Variants in HMGN1 observed in about 807,000 individuals in gnomAD.
HMGN1 encodes the protein high mobility group nucleosome binding domain 1, also known as non-histone chromosomal protein HMG-14.
Under a neutral mutation model 18.4 loss-of-function variants are expected in HMGN1, and 9 were observed. That is an observed-to-expected ratio of 0.49 (90% CI 0.29 to 0.85). The LOEUF is 0.85. Ranked by LOEUF, HMGN1 falls within the 40% of genes least tolerant of loss-of-function variation. The probability of loss-of-function intolerance (pLI) is 0.07; values close to 1 mark genes in which losing one functional copy is unlikely to be tolerated. For synonymous variants in HMGN1, 59 were observed against 45.0 expected, an observed-to-expected ratio of 1.31 and a Z score of -1.24; for missense variants, 151 against 119.2, an observed-to-expected ratio of 1.27 and a Z score of -1.24.
At chr21:39,348,479 G>A (rs369155155) in intron 2 of HMGN1, 28 bp from the exon 3 acceptor site, 2 of 1,614,012 alleles carry the variant, frequency 1.2e-6, no homozygotes, top group South Asian at 1.1e-5. Context: ...GAGAGTCAGC[G>A]AGAAGAGAAG....
chr21:39,346,346 G>C (rs2037053551), intron 4 of HMGN1: 1 of 185,784 alleles, frequency 5.4e-6, no homozygotes, highest in Non-Finnish European at 1.1e-5. Flanking sequence ...AAATGTATTT[G>C]AGACAAAACT....
chr21:39,346,085 A>G (rs895833884), intron 4 of HMGN1: 1 of 513,428 alleles, frequency 1.9e-6, no homozygotes, highest in Non-Finnish European at 3.3e-6. Context: ...AAAGCTTAAC[A>G]TTTATTCCTT....
chr21:39,343,445 G>A (rs1244458372), intron 5 of HMGN1, among the ~76,000 whole-genome samples: 10 of 152,128 alleles, frequency 6.6e-5, no homozygotes, highest in African/African-American at 1.2e-4. Context: ...CTCTAATGCC[G>A]TAAACAACTG....
intron 4 of HMGN1, chr21:39,347,366 C>G (rs2037092648): frequency 9.1e-7 from 1 of 1,095,792 alleles, no homozygotes; most frequent in Non-Finnish European, 1.2e-6. Context: ...GAAAAAACAT[C>G]TTTGTTTTAT....
Position 39,345,278 on chromosome 21 carries a change from T to C in HMGN1, c.127-4A>G, listed in dbSNP as rs2146855003. On this transcript the variant is annotated splice_region_variant and splice_polypyrimidine_tract_variant and intron_variant, in intron 4 of 5. Coordinates refer to ENST00000380749, the MANE Select transcript of HMGN1 (RefSeq NM_004965.7). ...CTTTTTTGTCTGAAGATTTATCCTATGATAGAATAAGAATATATTTTAAGT... is the reference window on the plus strand; with the variant it reads ...CTTTTTTGTCTGAAGATTTATCCTACGATAGAATAAGAATATATTTTAAGT... 1 of 1,610,484 alleles carries C rather than the reference T, an allele frequency of 6.2e-7. No homozygotes were observed. The highest frequency in any genetic ancestry group is 8.5e-7 in the Non-Finnish European group (1 of 1,177,216).
intron 5 of HMGN1, among the ~76,000 whole-genome samples, chr21:39,344,242 G>A (rs1436637711): frequency 1.1e-5 from 1 of 93,670 alleles, no homozygotes; most frequent in East Asian, 2.5e-4. Flanking sequence ...GGCAACAAGA[G>A]CGAAATTCCG....
Position 39,348,318 on chromosome 21 carries a change from C to T in HMGN1, c.100G>A (p.Ala34Thr), listed in dbSNP as rs1258669958. 9.3e-6 allele frequency: 15 copies of T among 1,614,080 alleles called. No homozygotes were observed. The highest frequency in any genetic ancestry group is 2.7e-5 in the African/African-American group (2 of 74,954). Residue 34 changes from alanine to threonine, a missense_variant, in exon 4 of 6, where the codon GCG (alanine) becomes ACG (threonine). Physicochemically the swap from Ala to Thr is moderately conservative, Grantham distance 58. Coordinates refer to ENST00000380749, the MANE Select transcript of HMGN1 (RefSeq NM_004965.7). ...LSAKPPAKVEAKPKKAAAKDK... is the reference protein window; with the variant it reads ...LSAKPPAKVETKPKKAAAKDK... ...TTCGCTGCTGCCTTTTTCGGCTTCGCTTCCACTTTTGCAGGAGGTTTCTGA... is the reference window on the plus strand; with the variant it reads ...TTCGCTGCTGCCTTTTTCGGCTTCGTTTCCACTTTTGCAGGAGGTTTCTGA...
intron 4 of HMGN1, chr21:39,345,880 T>C (rs760984308): frequency 7.7e-7 from 1 of 1,303,288 alleles, no homozygotes; most frequent in South Asian, 1.2e-5. Context: ...CTGCTACAGT[T>C]AATCCCTTCA....
intron 4 of HMGN1, chr21:39,347,664 A>C: frequency 3.1e-6 from 1 of 319,720 alleles, no homozygotes; most frequent in Non-Finnish European, 6.2e-6. Flanking sequence ...CTGCTTTTCC[A>C]CCCTGCAAGT....
chr21:39,346,209 T>G (rs149443356), intron 4 of HMGN1: 3 of 345,438 alleles, frequency 8.7e-6, no homozygotes, highest in African/African-American at 6.4e-5. Context: ...GACAAGCAAG[T>G]AGAGCTCACA....
chr21:39,343,230 G>A (rs1050126274), intron 5 of HMGN1, 71 bp from the exon 6 acceptor site: 4 of 1,426,444 alleles, frequency 2.8e-6, no homozygotes, highest in Middle Eastern at 1.9e-4. Flanking sequence ...CAACTATCAG[G>A]TCTTTAAAAA....
rs749027319 is a variant in HMGN1 at position 39,348,940 on chromosome 21, G to A, written c.-23C>T. ...CATCGTGGCGGCGGGGAAGGCGCGTGCCGGGTGCCTGCGGGGAAGGCGCGT... is the reference window on the plus strand; with the variant it reads ...CATCGTGGCGGCGGGGAAGGCGCGTACCGGGTGCCTGCGGGGAAGGCGCGT... On this transcript the variant is annotated 5_prime_UTR_variant, in exon 1 of 6. Transcript: ENST00000380749. 1.7e-6 allele frequency: 2 copies of A among 1,195,670 alleles called. No individual in the cohort carries two copies. The highest frequency in any genetic ancestry group is 7.0e-5 in the East Asian group (2 of 28,620). 74.1% of individuals were successfully genotyped at this position (1,195,670 alleles called of 1,614,324 possible).
Position 39,343,161 on chromosome 21 carries a change from T to TG in HMGN1, c.256-3dup. 1 of 1,593,968 alleles carries TG rather than the reference T, an allele frequency of 6.3e-7. No homozygotes were observed. The stretch of plus-strand genomic sequence containing the variant: ...TCCTGCTTCATCAGAGGCTGGACTC[T>TG]GCAAAAGAAAGGAAATTGAGATCTT... On this transcript the variant is annotated splice_polypyrimidine_tract_variant and splice_region_variant and intron_variant, in intron 5 of 5. Coordinates refer to ENST00000380749, the MANE Select transcript of HMGN1 (RefSeq NM_004965.7).
rs1436675447 is a variant in HMGN1 at position 39,342,888 on chromosome 21, C to T, written c.*224G>A. 2 of 1,401,592 alleles carry T rather than the reference C, an allele frequency of 1.4e-6. No individual in the cohort carries two copies. Among genetic ancestry groups the T allele is most frequent in the South Asian group, 1.2e-5 (1 of 80,610 alleles). 86.8% of individuals were successfully genotyped at this position (1,401,592 alleles called of 1,614,324 possible). On this transcript the variant is annotated 3_prime_UTR_variant, in exon 6 of 6. Coordinates refer to ENST00000380749, the MANE Select transcript of HMGN1 (RefSeq NM_004965.7). ...GCCTCCCATAATTCAATATCCCACA[C>T]TATTTTCTGGTTGTACCAAAAAATA...
Position 39,349,068 on chromosome 21 carries a change from G to C in HMGN1, c.-151C>G, listed in dbSNP as rs1421690521. On this transcript the variant is annotated 5_prime_UTR_variant, in exon 1 of 6. Coordinates refer to ENST00000380749, the MANE Select transcript of HMGN1 (RefSeq NM_004965.7). ...GCCCGAGCTGCTGAGACCCACAGCGGGGGCGGTGGGAGAACCGGATGGAAC... is the reference window on the plus strand; with the variant it reads ...GCCCGAGCTGCTGAGACCCACAGCGCGGGCGGTGGGAGAACCGGATGGAAC... The C allele has an allele frequency of 4.5e-6, 4 of 882,330 alleles. No individual in the cohort carries two copies. Among genetic ancestry groups the C allele is most frequent in the Non-Finnish European group, 5.8e-6 (4 of 687,618 alleles). 54.7% of individuals were successfully genotyped at this position (882,330 alleles called of 1,614,324 possible). A position where few individuals can be genotyped will look rare whatever the true frequency, so the allele number is the denominator to read the frequency against.
At chr21:39,348,001 C>G in intron 4 of HMGN1, 4 of 1,245,952 alleles carry the variant, frequency 3.2e-6, no homozygotes, top group Non-Finnish European at 4.1e-6. Context: ...AAGCCAAGCA[C>G]CAGCCACAAT....
chr21:39,345,121 AC>A, intron 5 of HMGN1, 24 bp downstream of exon 5: 2 of 1,562,092 alleles, frequency 1.3e-6, no homozygotes, highest in African/African-American at 2.7e-5. Context: ...ACACACACAC[AC>A]ACACACACAC....
At chr21:39,347,125 T>A (rs2037084232) in intron 4 of HMGN1, 5 of 167,806 alleles carry the variant, frequency 3.0e-5, no homozygotes. Flanking sequence ...CCAACATTTT[T>A]AACAAGGTCA....
intron 1 of HMGN1, 108 bp downstream of exon 1, chr21:39,348,795 C>G (rs1422171502): frequency 9.3e-7 from 1 of 1,077,250 alleles, no homozygotes; most frequent in Non-Finnish European, 1.2e-6. Context: ...CCAAGCGCCT[C>G]CCGGGCCCGT....
Sources: allele counts gnomAD v4.1 joint callset (sites outside exome capture counted in the v4.1 genomes callset), GRCh38; gene constraint gnomAD v4.1.1; transcripts MANE v1.5; gene names NCBI Gene and HGNC (gene_info 2026-07-23, HGNC 2026-07-21).